Variants in SEL1L observed in about 807,000 individuals in gnomAD.
SEL1L encodes the protein SEL1L adaptor subunit of SYVN1 ubiquitin ligase, also known as protein sel-1 homolog 1.
In SEL1L, 52 loss-of-function variants were observed where a neutral mutation model predicts 109.8. The ratio of observed to expected loss-of-function variants is 0.47; its 90% CI spans 0.38 to 0.60. The LOEUF (loss-of-function observed/expected upper bound fraction) is 0.60, where lower values mean the gene tolerates loss of function less well. Ranked by LOEUF, SEL1L falls within the 20% of genes least tolerant of loss-of-function variation. The pLI, the probability that SEL1L is intolerant of heterozygous loss-of-function variation, is 0.00. For synonymous variants in SEL1L, 373 were observed against 339.6 expected, an observed-to-expected ratio of 1.10 and a Z score of -1.08; for missense variants, 749 against 962.2, an observed-to-expected ratio of 0.78 and a Z score of 2.93.
At chr14:81,497,844 A>G in intron 10 of SEL1L, 48 bp downstream of exon 10, 2 of 1,562,982 alleles carry the variant, frequency 1.3e-6, no homozygotes, top group Non-Finnish European at 1.7e-6. Flanking sequence ...CCACAGATTA[A>G]AATATACAAT....
chr14:81,482,017 T>C (rs1595502411), intron 19 of SEL1L, among the ~76,000 whole-genome samples: 1 of 150,846 alleles, frequency 6.6e-6, no homozygotes, highest in Non-Finnish European at 1.5e-5. Flanking sequence ...GGCAACAGAG[T>C]GAGACTCCAT....
chr14:81,496,335 A>C (rs920672098), intron 10 of SEL1L, among the ~76,000 whole-genome samples: 1 of 149,738 alleles, frequency 6.7e-6, no homozygotes, highest in Non-Finnish European at 1.5e-5. Flanking sequence ...AAACAAAAAC[A>C]AAAACAAAAA....
chr14:81,519,594 G>A (rs1566624939), intron 3 of SEL1L, among the ~76,000 whole-genome samples: 2 of 152,212 alleles, frequency 1.3e-5, no homozygotes, highest in Non-Finnish European at 2.9e-5. Flanking sequence ...GAGTAGGACC[G>A]GAAGCCAAAG....
chr14:81,507,426 G>GTACC (rs1884283709), intron 3 of SEL1L, among the ~76,000 whole-genome samples: 1 of 152,022 alleles, frequency 6.6e-6, no homozygotes, highest in African/African-American at 2.4e-5. Context: ...TAGATGTGTG[G>GTACC]ATAAGAGGAA....
At chr14:81,494,123 C>T (rs1301269334) in intron 11 of SEL1L, among the ~76,000 whole-genome samples, 1 of 152,166 alleles carries the variant, frequency 6.6e-6, no homozygotes, top group Non-Finnish European at 1.5e-5. Flanking sequence ...CTATCCAATG[C>T]CTGAACATAT....
At position 81,476,017 on chromosome 14, in the gene SEL1L, CTTTGTG is replaced by C. The variant is rs1010016288; in HGVS notation, c.*949_*954del. ...AAAGAATTCAGGAAGGTGATGTGTTCTTTGTGCAAAAAGAAATGCAAAGTAAAATAA... is the reference window on the plus strand; with the variant it reads ...AAAGAATTCAGGAAGGTGATGTGTTCCAAAAAGAAATGCAAAGTAAAATAA... On this transcript the variant is annotated 3_prime_UTR_variant, in exon 21 of 21. Transcript: ENST00000336735. The C allele has an allele frequency of 3.3e-5, 5 of 152,290 alleles. No homozygotes were observed. The highest frequency in any genetic ancestry group is 1.2e-4 in the African/African-American group (5 of 41,558). 9.4% of individuals were successfully genotyped at this position (152,290 alleles called of 1,614,324 possible).
chr14:81,502,700 C>T (rs1595519062), intron 6 of SEL1L, 21 bp downstream of exon 6: 1 of 1,610,126 alleles, frequency 6.2e-7, no homozygotes, highest in Non-Finnish European at 8.5e-7. Flanking sequence ...CAGAGAGATT[C>T]TTCACTGAGA....
chr14:81,499,172 T>A, intron 8 of SEL1L: 1 of 1,139,138 alleles, frequency 8.8e-7, no homozygotes, highest in African/African-American at 1.6e-5. Context: ...ATTCTGACAA[T>A]TCCAACTCAG....
chr14:81,508,479 C>T (rs539632454), intron 3 of SEL1L, among the ~76,000 whole-genome samples: 2 of 152,136 alleles, frequency 1.3e-5, no homozygotes, highest in East Asian at 3.9e-4. Flanking sequence ...GGCACGGTGG[C>T]TCACGCCTGT....
At chr14:81,504,826 A>T (rs1157033560) in intron 4 of SEL1L, among the ~76,000 whole-genome samples, 1 of 151,876 alleles carries the variant, frequency 6.6e-6, no homozygotes, top group African/African-American at 2.4e-5. Context: ...GGTCATTTGA[A>T]AGTATGTGGC....
chr14:81,478,820 G>A (rs1903254225), intron 20 of SEL1L, among the ~76,000 whole-genome samples: 1 of 152,164 alleles, frequency 6.6e-6, no homozygotes, highest in Non-Finnish European at 1.5e-5. Context: ...ACACATGAGG[G>A]AAAGCCCATT....
At chr14:81,511,436 G>A (rs541150342) in intron 3 of SEL1L, among the ~76,000 whole-genome samples, 14 of 152,332 alleles carry the variant, frequency 9.2e-5, no homozygotes, top group African/African-American at 3.4e-4. Flanking sequence ...TGCTGTTTAA[G>A]AACAGTGGGT....
chr14:81,517,863 T>C (rs1360389677), intron 3 of SEL1L, among the ~76,000 whole-genome samples: 1 of 152,178 alleles, frequency 6.6e-6, no homozygotes, highest in Non-Finnish European at 1.5e-5. Flanking sequence ...TTTTGAGTTT[T>C]GGAAACAGAG....
intron 3 of SEL1L, among the ~76,000 whole-genome samples, chr14:81,512,519 GAGGACCCAGGCCCTGA>G (rs1884524732): frequency 6.6e-6 from 1 of 152,172 alleles, no homozygotes; most frequent in South Asian, 2.1e-4. Flanking sequence ...ACTTCTTCCT[GAGGACCCAGGCCCTGA>G]AGGTGCAGCC....
Position 81,499,262 on chromosome 14 carries a change from G to A in SEL1L, c.891+197C>T, listed in dbSNP as rs528510700. The A allele has an allele frequency of 1.8e-4, 222 of 1,244,036 alleles. 1 individual carries two copies. The South Asian group carries it at 6.2e-3, about 35-fold the overall frequency. The allele number at this position is 1,244,036 out of a possible 1,614,324, so 77.1% of individuals were successfully genotyped here. A position where few individuals can be genotyped will look rare whatever the true frequency, so the allele number is the denominator to read the frequency against. On this transcript the variant is annotated intron_variant, in intron 8 of 20. Transcript: ENST00000336735. ...AAACTAATCATTTTAAAGAAAAATT[G>A]TGGACTCCACCAACTTTCATTTACA...
chr14:81,486,572 G>T, intron 16 of SEL1L, 118 bp from the exon 17 acceptor site: 3 of 925,752 alleles, frequency 3.2e-6, no homozygotes, highest in Non-Finnish European at 4.7e-6. Context: ...ATTTCTGGCA[G>T]CTTTCTTGAA....
At chr14:81,531,640 A>G (rs772657377) in intron 1 of SEL1L, among the ~76,000 whole-genome samples, 1 of 151,710 alleles carries the variant, frequency 6.6e-6, no homozygotes, top group African/African-American at 2.4e-5. Context: ...TGCAGCCTCA[A>G]CCTCCTGGGG....
intron 3 of SEL1L, among the ~76,000 whole-genome samples, chr14:81,524,089 TTGA>T (rs376746198): frequency 8.1e-4 from 124 of 152,264 alleles, no homozygotes; most frequent in African/African-American, 2.9e-3. Context: ...AATCAAAGAC[TTGA>T]TGAGAGAAAA....
At chr14:81,518,174 T>C (rs1884774435) in intron 3 of SEL1L, among the ~76,000 whole-genome samples, 1 of 151,696 alleles carries the variant, frequency 6.6e-6, no homozygotes, top group Non-Finnish European at 1.5e-5. Flanking sequence ...ATTACAGGCA[T>C]GAGCCACTGC....
Sources: gnomAD v4.1 joint callset for allele counts (sites outside exome capture counted in the v4.1 genomes callset) on GRCh38, gnomAD v4.1.1 for gene constraint, MANE v1.5 for transcripts, NCBI Gene and HGNC (gene_info 2026-07-23, HGNC 2026-07-21) for gene names.